TENM4: variants seen among roughly 807,000 people sequenced by gnomAD.
TENM4 encodes teneurin-4.
A neutral mutation model predicts 243.3 loss-of-function variants in TENM4; 82 were observed. The ratio of observed to expected loss-of-function variants is 0.34; its 90% confidence interval spans 0.28 to 0.40. The LOEUF is 0.40. Ranked by LOEUF, TENM4 falls within the 10% of genes least tolerant of loss-of-function variation. The pLI is 1.00. For synonymous variants in TENM4, 1,412 were observed against 1,456.3 expected (o/e 0.97, Z 0.69); for missense variants, 3,138 against 3,673.3 (o/e 0.85, Z 3.77).
chr11:78,810,285 A>G (rs1857470583), intron 14 of TENM4, among the ~76,000 whole-genome samples: 1 of 152,182 alleles, frequency 6.6e-6, no homozygotes, highest in South Asian at 2.1e-4. Flanking sequence ...GAGTAAGAAC[A>G]TTTCTTTTCA....
rs575472960 is a variant in TENM4 at position 78,942,391 on chromosome 11, G to A, written c.494-38868C>T. ...GCCTGGGAGGTCAAGGCTGCAGTGA[G>A]CTGAGATCATGCCACTGCACTCCAG... On this transcript the variant is annotated intron_variant, in intron 6 of 33. Coordinates refer to ENST00000278550, the MANE Select transcript of TENM4 (RefSeq NM_001098816.3). 8.7e-5 allele frequency among the ~76,000 whole-genome samples: 13 copies of A among 148,938 alleles called. No individual in the cohort carries two copies. The East Asian group carries it at 2.6e-3, about 30-fold the overall frequency.
intron 1 of TENM4, among the ~76,000 whole-genome samples, chr11:79,394,181 C>T (rs1311288631): frequency 1.3e-5 from 2 of 152,192 alleles, no homozygotes; most frequent in Non-Finnish European, 2.9e-5. Flanking sequence ...TTGTTTGCTA[C>T]CCTTGAAGGT....
chr11:78,971,429 A>G (rs913598845), intron 6 of TENM4, among the ~76,000 whole-genome samples: 2 of 151,992 alleles, frequency 1.3e-5, no homozygotes, highest in Non-Finnish European at 2.9e-5. Flanking sequence ...CAGTCTCCCA[A>G]GTAGCTGGGA....
intron 18 of TENM4, among the ~76,000 whole-genome samples, chr11:78,768,163 T>A (rs1000280650): frequency 6.6e-6 from 1 of 152,220 alleles, no homozygotes; most frequent in African/African-American, 2.4e-5. Context: ...ATCTATGCCA[T>A]CCTGCAAAGC....
At chr11:79,077,949 C>A (rs556524841) in intron 4 of TENM4, among the ~76,000 whole-genome samples, 1 of 151,926 alleles carries the variant, frequency 6.6e-6, no homozygotes, top group Non-Finnish European at 1.5e-5. Context: ...GTGTGGGGCC[C>A]GGGAGAAGGG....
intron 4 of TENM4, among the ~76,000 whole-genome samples, chr11:79,089,608 T>A (rs1190028712): frequency 6.6e-6 from 1 of 152,080 alleles, no homozygotes; most frequent in Non-Finnish European, 1.5e-5. Flanking sequence ...CATATCCTCA[T>A]CCCAATGGTT....
intron 6 of TENM4, among the ~76,000 whole-genome samples, chr11:78,991,291 C>T (rs1429463141): frequency 4.3e-5 from 4 of 92,306 alleles, no homozygotes; most frequent in Non-Finnish European, 9.2e-5. Context: ...TTGAACTTCA[C>T]ATCCCTTTTG....
At chr11:78,760,692 T>G (rs1259533492) in intron 18 of TENM4, among the ~76,000 whole-genome samples, 2 of 152,224 alleles carry the variant, frequency 1.3e-5, no homozygotes, top group African/African-American at 4.8e-5. Flanking sequence ...AGTTTGGTTT[T>G]GAGCTCTTTG....
intron 1 of TENM4, among the ~76,000 whole-genome samples, chr11:79,304,314 G>A (rs1856593286): frequency 6.6e-6 from 1 of 152,238 alleles, no homozygotes; most frequent in Non-Finnish European, 1.5e-5. Flanking sequence ...GTATGGCTCA[G>A]AGATCCTTCT....
intron 1 of TENM4, among the ~76,000 whole-genome samples, chr11:79,312,137 C>T (rs1223433493): frequency 6.6e-6 from 1 of 152,162 alleles, no homozygotes; most frequent in Non-Finnish European, 1.5e-5. Flanking sequence ...TTGTTCTCTC[C>T]CATCTACAGC....
Position 78,658,788 on chromosome 11 carries a change from T to C in TENM4, c.7580A>G (p.Gln2527Arg). The C allele has an allele frequency of 6.2e-7, 1 of 1,613,646 alleles. No individual in the cohort carries two copies. Among genetic ancestry groups the C allele is most frequent in the Non-Finnish European group, 8.5e-7 (1 of 1,179,740 alleles). The change falls in exon 34 of 34, where the codon CAG becomes CGG. Residue 2527 changes from glutamine to arginine, a missense_variant. Coordinates refer to ENST00000278550, the MANE Select transcript of TENM4 (RefSeq NM_001098816.3). Reference sequence around the variant, plus strand: ...GGTGACAAAGGCCTTGAGCTGCTTCTGTACTTCACACTGTACCCCGAGGAT... The same window carrying C: ...GGTGACAAAGGCCTTGAGCTGCTTCCGTACTTCACACTGTACCCCGAGGAT... ...KSILGVQCEVQKQLKAFVTLE... is the reference protein window; with the variant it reads ...KSILGVQCEVRKQLKAFVTLE...
At chr11:78,671,887 A>C (rs7106047) in intron 31 of TENM4, 146 bp downstream of exon 31, 713,387 of 1,063,558 alleles carry the variant, frequency 0.67, 247,544 homozygotes, top group African/African-American at 0.74. Context: ...TTGGGACCCC[A>C]TGCCCTCTGT....
chr11:79,077,311 G>A (rs1860557034), intron 4 of TENM4, among the ~76,000 whole-genome samples: 1 of 152,166 alleles, frequency 6.6e-6, no homozygotes, highest in African/African-American at 2.4e-5. Context: ...CCCAGGCCAA[G>A]GTGGGTCAAA....
intron 4 of TENM4, among the ~76,000 whole-genome samples, chr11:79,104,784 A>G (rs1861322473): frequency 6.6e-6 from 1 of 152,198 alleles, no homozygotes. Flanking sequence ...GAATGGGGCC[A>G]TTTCACAGGT....
In TENM4 at chr11:78,657,968, A is replaced by G. The variant is rs760340207; in HGVS notation, c.*90T>C. On this transcript the variant is annotated 3_prime_UTR_variant, in exon 34 of 34. Coordinates refer to ENST00000278550, the MANE Select transcript of TENM4 (RefSeq NM_001098816.3). ...GTATCTTTTTGTTTCTGCACTTGTT[A>G]AAAAATCATTTTTTTAAAAGTACAA... 1 of 1,591,922 alleles carries G rather than the reference A, an allele frequency of 6.3e-7. No individual in the cohort carries two copies. Among genetic ancestry groups the G allele is most frequent in the Admixed American group, 1.7e-5 (1 of 59,998 alleles).
At chr11:79,145,154 C>G (rs551359223) in intron 4 of TENM4, among the ~76,000 whole-genome samples, 7 of 152,176 alleles carry the variant, frequency 4.6e-5, no homozygotes, top group African/African-American at 1.7e-4. Flanking sequence ...TTTAGAGGGA[C>G]ATGTAACTGA....
At chr11:78,720,619 A>C (rs1859624482) in intron 24 of TENM4, among the ~76,000 whole-genome samples, 1 of 152,246 alleles carries the variant, frequency 6.6e-6, no homozygotes, top group Non-Finnish European at 1.5e-5. Flanking sequence ...TTTCACCTGC[A>C]CCACTACTGC....
At chr11:78,900,565 C>G (rs1855905565) in intron 7 of TENM4, among the ~76,000 whole-genome samples, 1 of 152,156 alleles carries the variant, frequency 6.6e-6, no homozygotes, top group African/African-American at 2.4e-5. Flanking sequence ...TGGGAAATAG[C>G]TTTTAGAGTG....
chr11:78,914,615 C>T (rs896046848), intron 6 of TENM4, among the ~76,000 whole-genome samples: 1 of 152,210 alleles, frequency 6.6e-6, no homozygotes, highest in African/African-American at 2.4e-5. Flanking sequence ...TAATGCCTCC[C>T]TGTCCCTGCA....
Sources: allele counts gnomAD v4.1 joint callset (sites outside exome capture counted in the v4.1 genomes callset), GRCh38; gene constraint gnomAD v4.1.1; transcripts MANE v1.5; gene names NCBI Gene and HGNC (gene_info 2026-07-23, HGNC 2026-07-21).